The following AFF1 variants were observed in gnomAD, a reference collection of about 807,000 sequenced individuals.
AFF1 encodes the protein ALF transcription elongation factor 1.
A neutral mutation model predicts 121.7 loss-of-function variants in AFF1; 48 were observed. That is an observed-to-expected ratio of 0.39 (90% CI 0.31 to 0.50). The LOEUF is 0.50. Ranked by LOEUF, AFF1 falls within the 20% of genes least tolerant of loss-of-function variation. The pLI is 0.76. For synonymous variants in AFF1, 613 were observed against 563.0 expected (o/e 1.09, Z -1.26); for missense variants, 1,523 against 1,511.7 (o/e 1.01, Z -0.12).
intron 2 of AFF1, among the ~76,000 whole-genome samples, chr4:86,952,667 A>C (rs937855625): frequency 1.2e-4 from 18 of 150,672 alleles, no homozygotes; most frequent in Non-Finnish European, 1.8e-4. Context: ...GTAAAAAAAA[A>C]CAAAAAAACA....
At chr4:87,038,535 A>T (rs891311440) in intron 2 of AFF1, among the ~76,000 whole-genome samples, 19 of 152,240 alleles carry the variant, frequency 1.2e-4, no homozygotes, top group Non-Finnish European at 2.5e-4. Context: ...GGACTTAGAA[A>T]GTTGAGATGT....
chr4:86,986,197 G>A (rs529776947), intron 2 of AFF1, among the ~76,000 whole-genome samples: 1 of 151,850 alleles, frequency 6.6e-6, no homozygotes, highest in Non-Finnish European at 1.5e-5. Flanking sequence ...TCGACCTCCC[G>A]AGTAGCTGGG....
rs779171597 is a variant in AFF1, at chr4:87,137,478, T to A, written c.*1777T>A. The A allele has an allele frequency of 5.8e-5, 13 of 222,372 alleles. No individual in the cohort carries two copies. The highest frequency in any genetic ancestry group is 1.1e-4 in the Non-Finnish European group (12 of 113,864). 13.8% of individuals were successfully genotyped at this position (222,372 alleles called of 1,614,324 possible). A position where few individuals can be genotyped will look rare whatever the true frequency, so the allele number is the denominator to read the frequency against. On this transcript the variant is annotated 3_prime_UTR_variant, in exon 21 of 21. Coordinates refer to ENST00000395146, the MANE Select transcript of AFF1 (RefSeq NM_001166693.3). The stretch of plus-strand genomic sequence containing the variant: ...TCCTTCAGTTTCTTCTCCAGACTGT[T>A]CTTTGGTTGTCACTAAGTCAGAGGT...
intron 16 of AFF1, among the ~76,000 whole-genome samples, chr4:87,129,012 G>T (rs937484828): frequency 1.3e-5 from 2 of 152,164 alleles, no homozygotes; most frequent in South Asian, 4.1e-4. Context: ...TTATTCAAAG[G>T]AGTAATATTC....
chr4:86,951,281 C>T (rs1036604756), intron 2 of AFF1, among the ~76,000 whole-genome samples: 5 of 151,958 alleles, frequency 3.3e-5, no homozygotes, highest in African/African-American at 1.2e-4. Flanking sequence ...GTTGATTCCC[C>T]GCCCCCCAGC....
chr4:87,048,771 C>T (rs936482013), intron 4 of AFF1, among the ~76,000 whole-genome samples: 1 of 152,108 alleles, frequency 6.6e-6, no homozygotes, highest in Admixed American at 6.6e-5. Flanking sequence ...CAGATGTCTT[C>T]TGAATACCAC....
intron 11 of AFF1, among the ~76,000 whole-genome samples, chr4:87,109,821 A>G (rs1273661240): frequency 6.6e-6 from 1 of 152,222 alleles, no homozygotes; most frequent in African/African-American, 2.4e-5. Context: ...AAATGGTCCC[A>G]TCCTGCCTTA....
In AFF1 at chr4:87,127,020, T is replaced by C. The variant is rs1728313726; in HGVS notation, c.2812-6T>C. On this transcript the variant is annotated splice_polypyrimidine_tract_variant and splice_region_variant and intron_variant, in intron 14 of 20. Coordinates refer to ENST00000395146, the MANE Select transcript of AFF1 (RefSeq NM_001166693.3). ...TGTAATCTGTATATTGATTTTTTTT[T>C]TGAAGGGTTCTTCCGGAGATACTGC... The C allele has an allele frequency of 1.9e-6, 3 of 1,613,470 alleles. No homozygotes were observed. In the African/African-American group the frequency reaches 4.0e-5, roughly 22 times the overall value.
intron 4 of AFF1, among the ~76,000 whole-genome samples, chr4:87,055,973 G>C (rs1720091675): frequency 1.3e-5 from 2 of 152,036 alleles, no homozygotes; most frequent in Admixed American, 1.3e-4. Flanking sequence ...TTTAATTGTT[G>C]AAATAACTCT....
intron 4 of AFF1, among the ~76,000 whole-genome samples, chr4:87,072,824 A>G (rs934090553): frequency 2.6e-5 from 4 of 152,310 alleles, no homozygotes; most frequent in African/African-American, 7.2e-5. Flanking sequence ...GAGCCAGTGT[A>G]CCCAGCCTCT....
At position 87,046,834 on chromosome 4, in the gene AFF1, C is replaced by A; in HGVS notation, c.299C>A (p.Pro100His). ...SENRLGKPKY[P>H]LIPDKGSSIP... ...AATAGGTTGGGAAAGCCGAAATATC[C>A]TTTAATTCCTGACAAAGGGAGCAGC... is the stretch of plus-strand genomic sequence containing the variant. The change falls in exon 4 of 21, where the codon CCT becomes CAT. Residue 100 changes from proline (P) to histidine (H), a missense_variant. Physicochemically the swap from Pro to His is moderately conservative, Grantham distance 77. Transcript: ENST00000395146. 6.2e-7 allele frequency: 1 copy of A among 1,614,204 alleles called. No individual in the cohort carries two copies. Among genetic ancestry groups the A allele is most frequent in the African/African-American group, 1.3e-5 (1 of 75,050 alleles).
intron 2 of AFF1, among the ~76,000 whole-genome samples, chr4:87,027,784 G>GTTTTT (rs35903702): frequency 1.3e-3 from 117 of 90,582 alleles, no homozygotes; most frequent in Middle Eastern, 0.018. Context: ...TTGCTGTTGG[G>GTTTTT]TTTTTTTTTT....
At position 87,114,520 on chromosome 4, in the gene AFF1, C is replaced by T; in HGVS notation, c.1687C>T (p.His563Tyr). The change falls in exon 12 of 21, where the codon CAT (histidine) becomes TAT (tyrosine). Residue 563 changes from histidine (H) to tyrosine (Y), a missense_variant. His to Tyr is a moderately conservative substitution (Grantham distance 83). This residue lies in a region of AFF1 where 905 missense variants were observed against 842.5 expected (regional missense o/e 1.07). Transcript: ENST00000395146. The part of the protein sequence containing the change: ...GSSDSATSQE[H>Y]SESKDPPPKS... ...CAGCGACAGTGCCACGAGTCAGGAGCATTCTGAATCCAAAGATCCTCCCCC... is the reference window on the plus strand; with the variant it reads ...CAGCGACAGTGCCACGAGTCAGGAGTATTCTGAATCCAAAGATCCTCCCCC... 1 of 1,613,294 alleles carries T rather than the reference C, an allele frequency of 6.2e-7. No homozygotes were observed. Among genetic ancestry groups the T allele is most frequent in the Non-Finnish European group, 8.5e-7 (1 of 1,179,868 alleles).
At chr4:87,077,124 A>T (rs1257844514) in intron 4 of AFF1, among the ~76,000 whole-genome samples, 2 of 152,272 alleles carry the variant, frequency 1.3e-5, no homozygotes, top group African/African-American at 4.8e-5. Context: ...CTATGTAAGT[A>T]TGACTAACAA....
intron 2 of AFF1, among the ~76,000 whole-genome samples, chr4:87,012,497 TAG>T (rs887595610): frequency 4.6e-5 from 7 of 152,206 alleles, no homozygotes; most frequent in African/African-American, 7.2e-5. Flanking sequence ...TTTATTGATA[TAG>T]AGTGAGTACA....
intron 2 of AFF1, among the ~76,000 whole-genome samples, chr4:86,953,536 T>A (rs922366407): frequency 6.6e-6 from 1 of 152,184 alleles, no homozygotes; most frequent in Admixed American, 6.5e-5. Flanking sequence ...TTCTTACAAA[T>A]AATGAGCTTA....
chr4:87,019,884 C>CGA (rs1553918042), intron 2 of AFF1, among the ~76,000 whole-genome samples: 1 of 82,560 alleles, frequency 1.2e-5, no homozygotes, highest in East Asian at 3.1e-4. Context: ...CTGAAGGGGT[C>CGA]GGGGGGGGGC....
intron 4 of AFF1, among the ~76,000 whole-genome samples, chr4:87,052,002 C>T (rs753474478): frequency 2.0e-5 from 3 of 152,142 alleles, no homozygotes; most frequent in Non-Finnish European, 4.4e-5. Context: ...TGGTGGTCAG[C>T]ACAGGACCCT....
intron 8 of AFF1, among the ~76,000 whole-genome samples, chr4:87,099,717 C>T (rs1725230417): frequency 6.6e-6 from 1 of 152,270 alleles, no homozygotes; most frequent in South Asian, 2.1e-4. Context: ...CCCCCACATG[C>T]TGTGTGCTTG....
Sources: gnomAD v4.1 joint callset for allele counts (sites outside exome capture counted in the v4.1 genomes callset) on GRCh38, gnomAD v4.1.1 for gene constraint, gnomAD v4.1.1 regional missense constraint, MANE v1.5 for transcripts, NCBI Gene and HGNC (gene_info 2026-07-23, HGNC 2026-07-21) for gene names.